JAK2: variants seen among roughly 807,000 people sequenced by gnomAD.
JAK2 encodes the protein Janus kinase 2.
In JAK2, 86 loss-of-function variants were observed where a neutral mutation model predicts 139.3. The ratio of observed to expected loss-of-function variants is 0.62; its 90% CI spans 0.52 to 0.74. The LOEUF (loss-of-function observed/expected upper bound fraction) is 0.74, where lower values mean the gene tolerates loss of function less well. Ranked by LOEUF, JAK2 falls within the 30% of genes least tolerant of loss-of-function variation. The pLI, the probability that JAK2 is intolerant of heterozygous loss-of-function variation, is 0.00. For synonymous variants in JAK2, 490 were observed against 437.7 expected (o/e 1.12, Z -1.49); for missense variants, 1,421 against 1,360.3 (o/e 1.04, Z -0.70).
intron 2 of JAK2, among the ~76,000 whole-genome samples, chr9:4,993,585 A>G (rs558872123): frequency 1.6e-3 from 248 of 152,292 alleles, no homozygotes; most frequent in Non-Finnish European, 2.9e-3. Context: ...TTGCCCTAGT[A>G]TGTAACAAGG....
At chr9:5,076,525 T>G (rs771545217) in intron 14 of JAK2, among the ~76,000 whole-genome samples, 2 of 152,152 alleles carry the variant, frequency 1.3e-5, no homozygotes, top group Non-Finnish European at 2.9e-5. Flanking sequence ...AGATATATTC[T>G]TTGTTTTTTT....
At chr9:5,007,213 C>T (rs1563921561) in intron 2 of JAK2, among the ~76,000 whole-genome samples, 3 of 151,986 alleles carry the variant, frequency 2.0e-5, no homozygotes, top group East Asian at 1.9e-4. Context: ...CATTGTTCAG[C>T]CTTTCTTCTC....
intron 19 of JAK2, among the ~76,000 whole-genome samples, chr9:5,088,435 GATTA>G (rs1284658677): frequency 6.6e-6 from 1 of 152,018 alleles, no homozygotes; most frequent in Non-Finnish European, 1.5e-5. Flanking sequence ...ACACTAATTT[GATTA>G]ATATCAAAAA....
chr9:5,041,887 A>G (rs1161435606), intron 4 of JAK2: 4 of 425,060 alleles, frequency 9.4e-6, no homozygotes, highest in African/African-American at 4.2e-5. Context: ...AGCGCCCATC[A>G]GGGCGCCTGC....
chr9:5,015,863 T>G (rs1028639302), intron 2 of JAK2, among the ~76,000 whole-genome samples: 4 of 152,080 alleles, frequency 2.6e-5, no homozygotes, highest in Admixed American at 6.6e-5. Context: ...TCCTTTCTGT[T>G]CTAAACACGA....
chr9:5,006,943 A>G (rs201252609), intron 2 of JAK2, among the ~76,000 whole-genome samples: 1 of 152,178 alleles, frequency 6.6e-6, no homozygotes, highest in East Asian at 1.9e-4. Flanking sequence ...TGTCTTTTAC[A>G]TGTTTCAATA....
intron 4 of JAK2, among the ~76,000 whole-genome samples, chr9:5,030,952 C>T (rs1484989860): frequency 6.6e-6 from 1 of 151,960 alleles, no homozygotes; most frequent in African/African-American, 2.4e-5. Flanking sequence ...TATATGCAAG[C>T]AACCAGTTAT....
chr9:5,035,214 C>T (rs1266415734), intron 4 of JAK2, among the ~76,000 whole-genome samples: 1 of 152,174 alleles, frequency 6.6e-6, no homozygotes, highest in Non-Finnish European at 1.5e-5. Context: ...AGACCAATAA[C>T]AGGCTCTGAA....
chr9:5,057,922 C>G (rs1480996083), intron 8 of JAK2, among the ~76,000 whole-genome samples: 1 of 152,022 alleles, frequency 6.6e-6, no homozygotes, highest in Non-Finnish European at 1.5e-5. Flanking sequence ...CTCTAGATAC[C>G]TCATAAAAGC....
intron 2 of JAK2, among the ~76,000 whole-genome samples, chr9:4,994,517 A>T (rs1291273355): frequency 2.0e-5 from 3 of 152,228 alleles, no homozygotes; most frequent in Non-Finnish European, 4.4e-5. Flanking sequence ...GATTTAAACC[A>T]GGGATTGGCA....
chr9:5,106,730 T>G (rs1199127980), intron 22 of JAK2, among the ~76,000 whole-genome samples: 3 of 151,868 alleles, frequency 2.0e-5, no homozygotes, highest in Non-Finnish European at 4.4e-5. Flanking sequence ...TAAACAAGGG[T>G]GAGTTCATGT....
intron 2 of JAK2, among the ~76,000 whole-genome samples, chr9:5,004,918 C>CTTTT (rs557320182): frequency 7.6e-6 from 1 of 131,350 alleles, no homozygotes; most frequent in African/African-American, 2.9e-5. Flanking sequence ...TACATATTGT[C>CTTTT]TTTTTTTTTT....
chr9:5,066,656 A>C (rs762442569), intron 9 of JAK2, 22 bp from the exon 10 acceptor site: 12 of 1,318,962 alleles, frequency 9.1e-6, no homozygotes, highest in Admixed American at 1.7e-5. Context: ...TATTATTCAA[A>C]TTGCTTCTTC....
rs1817663777 is a variant in JAK2 at position 5,054,991 on chromosome 9, G to A, written c.936+107G>A. On this transcript the variant is annotated intron_variant, in intron 7 of 24. Coordinates refer to ENST00000381652, the MANE Select transcript of JAK2 (RefSeq NM_004972.4). This position sits in a 1 kb window ranked among gnomAD's most constrained non-coding sequence, Gnocchi z 4.9. ...ACATGGTATTGCACTTCTCCCATTT[G>A]ATAGAAGTGGAAGTTTTTAATAGCG... The A allele has an allele frequency of 1.3e-6, 1 of 770,998 alleles. No individual in the cohort carries two copies. The allele number at this position is 770,998 out of a possible 1,614,324, so 47.8% of individuals were successfully genotyped here. A position where few individuals can be genotyped will look rare whatever the true frequency, so the allele number is the denominator to read the frequency against.
intron 5 of JAK2, 44 bp from the exon 6 acceptor site, chr9:5,050,642 A>C: frequency 6.4e-7 from 1 of 1,559,900 alleles, no homozygotes; most frequent in Non-Finnish European, 8.8e-7. Context: ...AAACATGATA[A>C]TGAAACTTAC....
intron 2 of JAK2, among the ~76,000 whole-genome samples, chr9:5,002,712 A>G (rs1820997182): frequency 6.6e-6 from 1 of 151,966 alleles, no homozygotes; most frequent in South Asian, 2.1e-4. Context: ...ATTCCTGAGA[A>G]ATGAGTATTG....
rs1010609414 is a variant in JAK2 at position 5,095,688 on chromosome 9, A to G, written c.3059+4777A>G. ...CATCAATAAACACGACCAGTCTCCT[A>G]TCTATCACAATCCTATCCATTAACG... On this transcript the variant is annotated intron_variant, in intron 22 of 24. Coordinates refer to ENST00000381652, the MANE Select transcript of JAK2 (RefSeq NM_004972.4). 3.3e-5 allele frequency among the ~76,000 whole-genome samples: 5 copies of G among 152,288 alleles called. No individual in the cohort carries two copies. In the East Asian group the frequency reaches 7.7e-4, roughly 23 times the overall value.
chr9:5,021,718 C>T (rs1190133659), intron 2 of JAK2, among the ~76,000 whole-genome samples: 2 of 152,136 alleles, frequency 1.3e-5, no homozygotes, highest in Non-Finnish European at 2.9e-5. Context: ...CTCATCCTCC[C>T]AGGTTCAAGC....
At chr9:5,008,400 C>G (rs1021587403) in intron 2 of JAK2, among the ~76,000 whole-genome samples, 4 of 152,096 alleles carry the variant, frequency 2.6e-5, no homozygotes, top group African/African-American at 9.7e-5. Context: ...ATTTCTCAGT[C>G]AAATGTAGGA....
Sources: gnomAD v4.1 joint callset for allele counts (sites outside exome capture counted in the v4.1 genomes callset) on GRCh38, gnomAD v4.1.1 for gene constraint, Gnocchi (gnomAD v3.1) non-coding constraint, MANE v1.5 for transcripts, NCBI Gene and HGNC (gene_info 2026-07-23, HGNC 2026-07-21) for gene names.